The following DNM3 variants were observed in gnomAD, a reference collection of about 807,000 sequenced individuals.
The protein encoded by DNM3 is dynamin-3.
In DNM3, 47 loss-of-function variants were observed where a neutral mutation model predicts 101.6. The ratio of observed to expected loss-of-function variants is 0.46; its 90% CI spans 0.37 to 0.59. The LOEUF (loss-of-function observed/expected upper bound fraction) is 0.59, where lower values mean the gene tolerates loss of function less well. Ranked by LOEUF, DNM3 falls within the 20% of genes least tolerant of loss-of-function variation. The probability of loss-of-function intolerance (pLI) is 0.00; values close to 1 mark genes in which losing one functional copy is unlikely to be tolerated. For synonymous variants in DNM3, 385 were observed against 387.9 expected (o/e 0.99, Z 0.09); for missense variants, 849 against 1,085.7 (o/e 0.78, Z 3.06).
intron 13 of DNM3, among the ~76,000 whole-genome samples, chr1:172,124,313 A>C (rs912354719): frequency 1.3e-5 from 2 of 152,132 alleles, no homozygotes. Flanking sequence ...GTCAAGGGGG[A>C]AAGCCATCTA....
chr1:171,992,294 T>C (rs556958240), intron 4 of DNM3, among the ~76,000 whole-genome samples: 29 of 152,268 alleles, frequency 1.9e-4, no homozygotes, highest in African/African-American at 7.0e-4. Context: ...AATAAACTCA[T>C]GTGATCACAG....
At position 172,410,889 on chromosome 1, in the gene DNM3, C is replaced by T; in HGVS notation, c.*3048C>T. On this transcript the variant is annotated 3_prime_UTR_variant, in exon 21 of 21. Coordinates refer to ENST00000627582, the MANE Select transcript of DNM3 (RefSeq NM_015569.5). Reference sequence around the variant, plus strand: ...TCAAATATGAAATGGGACCTAATACCAGTATGTGATAAATGTTGATGTTTT... The same window carrying T: ...TCAAATATGAAATGGGACCTAATACTAGTATGTGATAAATGTTGATGTTTT... 1 of 985,134 alleles carries T rather than the reference C, an allele frequency of 1.0e-6. No homozygotes were observed. Among genetic ancestry groups the T allele is most frequent in the Non-Finnish European group, 1.2e-6 (1 of 829,762 alleles). 61.0% of individuals were successfully genotyped at this position (985,134 alleles called of 1,614,324 possible). A position where few individuals can be genotyped will look rare whatever the true frequency, so the allele number is the denominator to read the frequency against.
At chr1:171,900,581 G>A (rs1354756337) in intron 1 of DNM3, among the ~76,000 whole-genome samples, 1 of 152,132 alleles carries the variant, frequency 6.6e-6, no homozygotes, top group African/African-American at 2.4e-5. Flanking sequence ...CGGCTTCCAG[G>A]GTGAAGTAGG....
chr1:172,338,254 G>A (rs2066536026), intron 17 of DNM3, among the ~76,000 whole-genome samples: 1 of 152,076 alleles, frequency 6.6e-6, no homozygotes, highest in East Asian at 1.9e-4. Context: ...GAGTAATTTT[G>A]ATAACCTCTA....
intron 17 of DNM3, among the ~76,000 whole-genome samples, chr1:172,340,684 G>T (rs938265459): frequency 6.6e-6 from 1 of 152,188 alleles, no homozygotes; most frequent in Non-Finnish European, 1.5e-5. Context: ...GTTGGGGAAG[G>T]GGGAAGCAGA....
intron 2 of DNM3, among the ~76,000 whole-genome samples, chr1:171,926,842 A>G (rs2040610616): frequency 6.6e-6 from 1 of 152,204 alleles, no homozygotes; most frequent in South Asian, 2.1e-4. Flanking sequence ...TATTTGACAA[A>G]ATCTAACATG....
At chr1:172,259,489 C>T (rs2062555863) in intron 15 of DNM3, among the ~76,000 whole-genome samples, 1 of 147,152 alleles carries the variant, frequency 6.8e-6, no homozygotes, top group Admixed American at 6.6e-5. Flanking sequence ...TGAACTGACA[C>T]CTCTTTCATT....
At chr1:172,121,001 T>C (rs2056281687) in intron 13 of DNM3, among the ~76,000 whole-genome samples, 1 of 152,228 alleles carries the variant, frequency 6.6e-6, no homozygotes, top group Admixed American at 6.5e-5. Context: ...ATAAGCTCTC[T>C]GGATTATTTT....
In DNM3 at chr1:172,125,337, A is replaced by G. The variant is rs139222431; in HGVS notation, c.1546-5838A>G. Among the ~76,000 whole-genome samples the G allele has an allele frequency of 4.1e-3, 621 of 152,232 alleles. 4 individuals are homozygous for G. The highest frequency in any genetic ancestry group is 0.013 in the African/African-American group (542 of 41,552). On this transcript the variant is annotated intron_variant, in intron 13 of 20. Transcript: ENST00000627582. ...CTTGGCCACACTAGAAGTCTTCCAC[A>G]TGTACTTTTGTCTTCCCATGATTTT... is the stretch of plus-strand genomic sequence containing the variant.
chr1:172,241,803 C>A (rs1413544062), intron 14 of DNM3, among the ~76,000 whole-genome samples: 5 of 152,146 alleles, frequency 3.3e-5, no homozygotes, highest in Non-Finnish European at 7.3e-5. Context: ...TCTCATTTGA[C>A]TCATTTTTTG....
Position 172,387,148 on chromosome 1 carries a change from A to G in DNM3, c.2074A>G (p.Asn692Asp), listed in dbSNP as rs1349377437. The G allele has an allele frequency of 6.2e-7, 1 of 1,613,700 alleles. No individual in the cohort carries two copies. Among genetic ancestry groups the G allele is most frequent in the Non-Finnish European group, 8.5e-7 (1 of 1,179,782 alleles). The change falls in exon 19 of 21, where the codon AAT becomes GAT. Residue 692 changes from asparagine (N) to aspartate (D), a missense_variant. By Grantham distance (23) the Asn-to-Asp change is conservative. Around this residue, in one of 5 missense-constraint regions of DNM3, gnomAD observed 256 missense variants for 311.7 expected, o/e 0.82. Coordinates refer to ENST00000627582, the MANE Select transcript of DNM3 (RefSeq NM_015569.5). ...LMINNVKDFI[N>D]SELLAQLYSS... is the part of the protein sequence containing the mutation. ...GATCTGACAGGTTAAAGATTTCATAAATTCCGAGCTCCTAGCACAGTTGTA... is the reference window on the plus strand; with the variant it reads ...GATCTGACAGGTTAAAGATTTCATAGATTCCGAGCTCCTAGCACAGTTGTA...
intron 1 of DNM3, among the ~76,000 whole-genome samples, chr1:171,897,467 TAG>T (rs1156993778): frequency 2.9e-4 from 44 of 152,346 alleles, no homozygotes; most frequent in Non-Finnish European, 4.6e-4. Context: ...ATGTCAAGGA[TAG>T]ACCTTTAATG....
intron 14 of DNM3, among the ~76,000 whole-genome samples, chr1:172,153,787 T>C (rs2058234048): frequency 6.6e-6 from 1 of 152,152 alleles, no homozygotes; most frequent in Non-Finnish European, 1.5e-5. Context: ...GCTCCCAAAC[T>C]AATTGCTTTG....
intron 17 of DNM3, among the ~76,000 whole-genome samples, chr1:172,361,999 G>A (rs1427701290): frequency 4.6e-5 from 7 of 151,892 alleles, no homozygotes; most frequent in South Asian, 4.1e-4. Context: ...CATCACATCT[G>A]TCCCTCACTT....
At chr1:172,415,418 T>C (rs2071391030), downstream of DNM3, 1 of 152,200 alleles carries the variant, frequency 6.6e-6, no homozygotes, top group South Asian at 2.1e-4. Context: ...CTATTCCTAT[T>C]GCCTTTCTTT....
At chr1:171,895,018 T>C (rs1039374360) in intron 1 of DNM3, among the ~76,000 whole-genome samples, 9 of 152,220 alleles carry the variant, frequency 5.9e-5, no homozygotes, top group Non-Finnish European at 1.2e-4. Context: ...GTGCCACATT[T>C]TCTTAATCCA....
At chr1:171,924,337 C>A (rs942322499) in intron 2 of DNM3, among the ~76,000 whole-genome samples, 7 of 152,150 alleles carry the variant, frequency 4.6e-5, no homozygotes, top group Non-Finnish European at 8.8e-5. Context: ...GCCCTGCCAT[C>A]ATGGGTTATT....
chr1:172,042,849 C>T (rs952842120), intron 8 of DNM3, among the ~76,000 whole-genome samples: 1 of 152,110 alleles, frequency 6.6e-6, no homozygotes, highest in Non-Finnish European at 1.5e-5. Context: ...TGGGAAGTTA[C>T]AGGAGGGTTT....
At chr1:171,994,689 A>C (rs2045873327) in intron 4 of DNM3, among the ~76,000 whole-genome samples, 2 of 150,204 alleles carry the variant, frequency 1.3e-5, no homozygotes, top group South Asian at 4.2e-4. Context: ...TTTCCTTTTA[A>C]GTTTTTTGGT....
Sources: allele counts gnomAD v4.1 joint callset (sites outside exome capture counted in the v4.1 genomes callset), GRCh38; gene constraint gnomAD v4.1.1; regional missense constraint gnomAD v4.1.1; transcripts MANE v1.5; gene names NCBI Gene and HGNC (gene_info 2026-07-23, HGNC 2026-07-21).